Variants in WWOX observed in about 807,000 individuals in gnomAD.
WWOX encodes the protein WW domain containing oxidoreductase, also known as WW domain-containing oxidoreductase.
A neutral mutation model predicts 46.2 loss-of-function variants in WWOX; 69 were observed. That is an observed-to-expected ratio of 1.49 (90% CI 1.23 to 1.82). The LOEUF is 1.82. WWOX is among the 40% of genes most tolerant of loss of function. The probability of loss-of-function intolerance (pLI) is 0.00; values close to 1 mark genes in which losing one functional copy is unlikely to be tolerated. For missense variants in WWOX, 919 were observed against 542.6 expected (o/e 1.69, Z -6.89); for synonymous variants, 359 against 202.6 (o/e 1.77, Z -6.56).
intron 5 of WWOX, among the ~76,000 whole-genome samples, chr16:78,217,913 A>G (rs2036774582): frequency 6.6e-6 from 1 of 152,168 alleles, no homozygotes. Context: ...GCCCTTGGCA[A>G]CTCAGTTTGG....
chr16:79,081,133 G>A (rs1597356694), intron 8 of WWOX, among the ~76,000 whole-genome samples: 2 of 152,050 alleles, frequency 1.3e-5, no homozygotes, highest in Non-Finnish European at 1.5e-5. Context: ...TAAGAAAATC[G>A]AGATCCAGTG....
chr16:78,534,482 A>C (rs1288842342), intron 8 of WWOX: 1 of 152,208 alleles, frequency 6.6e-6, no homozygotes, highest in Non-Finnish European at 1.5e-5. Flanking sequence ...AGACGTCCAC[A>C]GCATCTCATT....
intron 8 of WWOX, among the ~76,000 whole-genome samples, chr16:78,473,187 T>C (rs1465070141): frequency 6.6e-6 from 1 of 152,200 alleles, no homozygotes; most frequent in East Asian, 1.9e-4. Flanking sequence ...TAGAGTGCAG[T>C]GGTGCGTTCT....
intron 1 of WWOX, among the ~76,000 whole-genome samples, chr16:78,103,927 GC>G (rs1273420593): frequency 1.3e-5 from 2 of 151,876 alleles, no homozygotes; most frequent in African/African-American, 4.8e-5. Context: ...ACATGTCCTA[GC>G]ACTCCAAAGC....
intron 8 of WWOX, among the ~76,000 whole-genome samples, chr16:78,724,135 CTATT>C (rs2048766963): frequency 6.6e-6 from 1 of 152,174 alleles, no homozygotes; most frequent in African/African-American, 2.4e-5. Flanking sequence ...GGAGTAGTGA[CTATT>C]TAGCCAGTCT....
In WWOX at chr16:78,945,727, A is replaced by G. The variant is rs966343412; in HGVS notation, c.1057-265881A>G. ...TCCCCTGCATTGTCTTGCTTCATTC[A>G]TTTCTTTCCAGGTTCCTGCAAATTG... On this transcript the variant is annotated intron_variant, in intron 8 of 8. Coordinates refer to ENST00000566780, the MANE Select transcript of WWOX (RefSeq NM_016373.4). Among the ~76,000 whole-genome samples the G allele has an allele frequency of 4.7e-5, 7 of 149,008 alleles. 2 individuals carry two copies. In the Middle Eastern group the frequency reaches 0.01, roughly 219 times the overall value.
At chr16:78,231,751 C>G (rs1409745157) in intron 5 of WWOX, among the ~76,000 whole-genome samples, 1 of 152,160 alleles carries the variant, frequency 6.6e-6, no homozygotes, top group African/African-American at 2.4e-5. Flanking sequence ...TAAGGAGTAG[C>G]TGATTCAGAG....
At chr16:79,085,118 C>A (rs770423143) in intron 8 of WWOX, among the ~76,000 whole-genome samples, 7 of 151,966 alleles carry the variant, frequency 4.6e-5, no homozygotes, top group Non-Finnish European at 1.0e-4. Flanking sequence ...TATATATATA[C>A]AATATACATA....
intron 8 of WWOX, among the ~76,000 whole-genome samples, chr16:79,194,773 T>G (rs571686959): frequency 9.1e-4 from 139 of 152,312 alleles, no homozygotes; most frequent in Non-Finnish European, 1.3e-3. Flanking sequence ...CTGAGTTAAA[T>G]AATTTTTCCC....
chr16:78,622,064 G>A (rs139424156), intron 8 of WWOX, among the ~76,000 whole-genome samples: 1 of 152,286 alleles, frequency 6.6e-6, no homozygotes, highest in East Asian at 1.9e-4. Flanking sequence ...GTTTAACTGT[G>A]CATTCTAAGC....
intron 8 of WWOX, among the ~76,000 whole-genome samples, chr16:78,674,235 T>C (rs1185632113): frequency 6.6e-6 from 1 of 151,250 alleles, no homozygotes; most frequent in Non-Finnish European, 1.5e-5. Flanking sequence ...ATAAGAGAGA[T>C]GTGGGGAAGC....
At chr16:78,573,103 A>G (rs2044759510) in intron 8 of WWOX, among the ~76,000 whole-genome samples, 1 of 152,074 alleles carries the variant, frequency 6.6e-6, no homozygotes, top group South Asian at 2.1e-4. Context: ...GGCTAACATG[A>G]TGAAACCCCG....
At chr16:79,070,328 A>G (rs950048416) in intron 8 of WWOX, among the ~76,000 whole-genome samples, 1 of 148,766 alleles carries the variant, frequency 6.7e-6, no homozygotes, top group Non-Finnish European at 1.5e-5. Flanking sequence ...CCAACTGGGA[A>G]GGGCCCTAAG....
chr16:78,432,544 C>G lies in WWOX; in HGVS notation c.848C>G (p.Thr283Arg), dbSNP rs1186552961. 1 of 1,613,972 alleles carries G rather than the reference C, an allele frequency of 6.2e-7. No homozygotes were observed. The highest frequency in any genetic ancestry group is 8.5e-7 in the Non-Finnish European group (1 of 1,179,922). The part of the protein sequence containing the change: ...GKLDFSRLSP[T>R]KNDYWAMLAY... ...CTGGACTTCAGTCGCCTCTCTCCAACAAAAAACGACTATTGGGCGATGCTG... is the reference window on the plus strand; with the variant it reads ...CTGGACTTCAGTCGCCTCTCTCCAAGAAAAAACGACTATTGGGCGATGCTG... Residue 283 changes from threonine (T) to arginine (R), a missense_variant, in exon 8 of 9, where the codon ACA becomes AGA. Coordinates refer to ENST00000566780, the MANE Select transcript of WWOX (RefSeq NM_016373.4).
intron 8 of WWOX, among the ~76,000 whole-genome samples, chr16:78,870,828 C>T (rs1328048665): frequency 2.0e-5 from 3 of 152,198 alleles, no homozygotes; most frequent in African/African-American, 4.8e-5. Context: ...TCTCGAACTC[C>T]TGAGCTTAGG....
At chr16:78,861,287 C>A (rs1355389796) in intron 8 of WWOX, among the ~76,000 whole-genome samples, 1 of 152,210 alleles carries the variant, frequency 6.6e-6, no homozygotes, top group Non-Finnish European at 1.5e-5. Context: ...AAGTCTTCTC[C>A]CAGTCCATGC....
chr16:79,139,150 A>G (rs181801724), intron 8 of WWOX, among the ~76,000 whole-genome samples: 7 of 152,324 alleles, frequency 4.6e-5, no homozygotes, highest in Middle Eastern at 6.8e-3. Flanking sequence ...ACTCATAATA[A>G]TAGTTCAAAA....
chr16:78,310,807 A>C lies in WWOX; in HGVS notation c.517-76053A>C, dbSNP rs146661533. 5.9e-4 allele frequency among the ~76,000 whole-genome samples: 90 copies of C among 152,300 alleles called. 1 individual carries two copies. Among genetic ancestry groups the C allele is most frequent in the African/African-American group, 2.0e-3 (85 of 41,570 alleles). The stretch of plus-strand genomic sequence containing the variant: ...CATTTTCATCTCTTTTCAATGTTTT[A>C]AGCCCTGAGAGAACCCAGTTCAATT... On this transcript the variant is annotated intron_variant, in intron 5 of 8. Transcript: ENST00000566780.
At chr16:78,138,611 A>G (rs1211433694) in intron 4 of WWOX, among the ~76,000 whole-genome samples, 1 of 152,238 alleles carries the variant, frequency 6.6e-6, no homozygotes, top group Non-Finnish European at 1.5e-5. Context: ...TTTTGAAAGA[A>G]GATTTTTTAA....
Sources: gnomAD v4.1 joint callset for allele counts (sites outside exome capture counted in the v4.1 genomes callset) on GRCh38, gnomAD v4.1.1 for gene constraint, MANE v1.5 for transcripts, NCBI Gene and HGNC (gene_info 2026-07-23, HGNC 2026-07-21) for gene names.